The following NRXN1 variants were observed in gnomAD, a reference collection of about 807,000 sequenced individuals.
The protein encoded by NRXN1 is neurexin 1.
A neutral mutation model predicts 150.9 loss-of-function variants in NRXN1; 39 were observed. The ratio of observed to expected loss-of-function variants is 0.26; its 90% CI spans 0.20 to 0.34. The LOEUF (loss-of-function observed/expected upper bound fraction) is 0.34, where lower values mean the gene tolerates loss of function less well. Among genes scored for constraint, NRXN1 ranks in the 10% least tolerant of loss-of-function variants. The probability of loss-of-function intolerance (pLI) is 1.00; values close to 1 mark genes in which losing one functional copy is unlikely to be tolerated. For synonymous variants in NRXN1, 924 were observed against 757.0 expected, an observed-to-expected ratio of 1.22 and a Z score of -3.62; for missense variants, 1,815 against 1,949.9, an observed-to-expected ratio of 0.93 and a Z score of 1.30.
chr2:49,975,840 C>T (rs191317925), intron 21 of NRXN1, among the ~76,000 whole-genome samples: 1 of 152,210 alleles, frequency 6.6e-6, no homozygotes, highest in Non-Finnish European at 1.5e-5. Context: ...TACAGCCTTA[C>T]AGGTGAAATA....
At chr2:50,325,134 AG>A in intron 17 of NRXN1, among the ~76,000 whole-genome samples, 1 of 152,358 alleles carries the variant, frequency 6.6e-6, no homozygotes. Context: ...CATCAAGAAC[AG>A]GAAGAAGAAA....
At chr2:50,615,529 G>C (rs987259081) in intron 8 of NRXN1, 1 of 152,160 alleles carries the variant, frequency 6.6e-6, no homozygotes, top group African/African-American at 2.4e-5. Flanking sequence ...CAGGTTCTGA[G>C]GGGGAGATTA....
chr2:50,672,724 T>C (rs1689034882), intron 5 of NRXN1, among the ~76,000 whole-genome samples: 1 of 152,058 alleles, frequency 6.6e-6, no homozygotes, highest in African/African-American at 2.4e-5. Flanking sequence ...TAAAATATTA[T>C]ACACATTTTA....
intron 18 of NRXN1, among the ~76,000 whole-genome samples, chr2:50,145,709 C>T (rs1436808037): frequency 6.6e-6 from 1 of 151,586 alleles, no homozygotes; most frequent in Non-Finnish European, 1.5e-5. Context: ...CTACCTTTTC[C>T]TTTAATACAT....
rs572758147 is a variant in NRXN1 at position 50,829,999 on chromosome 2, G to GA, written c.832+91869dup. Among the ~76,000 whole-genome samples the GA allele has an allele frequency of 5.6e-3, 326 of 58,162 alleles. 27 individuals are homozygous for GA. Among genetic ancestry groups the GA allele is most frequent in the African/African-American group, 9.6e-3 (91 of 9,518 alleles). 38.2% of individuals were successfully genotyped at this position (58,162 alleles called of 152,430 possible). A position where few individuals can be genotyped will look rare whatever the true frequency, so the allele number is the denominator to read the frequency against. ...GGAACCCAAAGAATACTGCCTGCTG[G>GA]AAAAAAAAAAAAAAAAAAAAAAAAA... On this transcript the variant is annotated intron_variant, in intron 5 of 22. Transcript: ENST00000401669.
At chr2:50,422,566 A>G (rs961315268) in intron 17 of NRXN1, among the ~76,000 whole-genome samples, 5 of 152,150 alleles carry the variant, frequency 3.3e-5, no homozygotes, top group African/African-American at 1.2e-4. Flanking sequence ...GACTGACAGT[A>G]TTTTATTTCT....
intron 2 of NRXN1, among the ~76,000 whole-genome samples, chr2:50,935,300 G>A (rs1268385213): frequency 6.6e-6 from 1 of 152,074 alleles, no homozygotes; most frequent in Non-Finnish European, 1.5e-5. Context: ...ATACAGCAGA[G>A]ATAAGGCAAT....
intron 5 of NRXN1, among the ~76,000 whole-genome samples, chr2:50,812,399 C>T (rs993561160): frequency 2.0e-5 from 3 of 152,120 alleles, no homozygotes; most frequent in Admixed American, 2.0e-4. Context: ...GCCATAGCAT[C>T]AGAGTGACAC....
At chr2:50,949,105 A>T (rs1360815197) in intron 2 of NRXN1, among the ~76,000 whole-genome samples, 1 of 152,050 alleles carries the variant, frequency 6.6e-6, no homozygotes, top group Non-Finnish European at 1.5e-5. Context: ...CTGTCCTATT[A>T]AAAGTTGAGT....
At chr2:50,720,569 A>C (rs1696512894) in intron 5 of NRXN1, among the ~76,000 whole-genome samples, 1 of 152,168 alleles carries the variant, frequency 6.6e-6, no homozygotes, top group African/African-American at 2.4e-5. Flanking sequence ...CAAAGGGCTG[A>C]ATTTTTCTTT....
chr2:50,599,386 A>C (rs1307908157), intron 8 of NRXN1, among the ~76,000 whole-genome samples: 1 of 152,212 alleles, frequency 6.6e-6, no homozygotes, highest in Non-Finnish European at 1.5e-5. Context: ...TGAAGTAATA[A>C]AGAAATATGT....
At chr2:50,503,993 G>A (rs142002136) in intron 13 of NRXN1, among the ~76,000 whole-genome samples, 28 of 151,986 alleles carry the variant, frequency 1.8e-4, no homozygotes, top group Middle Eastern at 3.4e-3. Flanking sequence ...TCAGTCATGA[G>A]GAAATATCAG....
At chr2:50,053,250 G>A (rs1192667698) in intron 21 of NRXN1, 21 bp downstream of exon 21, 1 of 1,611,732 alleles carries the variant, frequency 6.2e-7, no homozygotes, top group African/African-American at 1.3e-5. Flanking sequence ...GAAAATGAAG[G>A]AATAAAATCC....
intron 21 of NRXN1, among the ~76,000 whole-genome samples, chr2:49,951,479 A>G (rs769257791): frequency 2.6e-5 from 4 of 151,864 alleles, no homozygotes; most frequent in African/African-American, 9.7e-5. Context: ...GGAACAACCT[A>G]TTTTTCTGAA....
intron 18 of NRXN1, among the ~76,000 whole-genome samples, chr2:50,166,478 C>G (rs377685845): frequency 6.6e-6 from 1 of 152,074 alleles, no homozygotes; most frequent in Non-Finnish European, 1.5e-5. Flanking sequence ...ATCTTCAAAT[C>G]CTCAAGATAA....
At chr2:50,294,049 T>C (rs1393404516) in intron 17 of NRXN1, among the ~76,000 whole-genome samples, 3 of 152,230 alleles carry the variant, frequency 2.0e-5, no homozygotes, top group African/African-American at 7.2e-5. Flanking sequence ...AACATCAGTG[T>C]CTGTGCACTA....
chr2:50,739,151 T>C, intron 5 of NRXN1: 1 of 330,084 alleles, frequency 3.0e-6, no homozygotes, highest in South Asian at 2.5e-5. Context: ...GTCACAAATC[T>C]GTAGATGTCA....
intron 17 of NRXN1, among the ~76,000 whole-genome samples, chr2:50,427,259 A>T (rs1290335239): frequency 6.6e-6 from 1 of 152,138 alleles, no homozygotes; most frequent in Admixed American, 6.5e-5. Context: ...AAGTTGTGCA[A>T]GAATAAGTTA....
At chr2:50,173,739 T>A (rs547111445) in intron 18 of NRXN1, among the ~76,000 whole-genome samples, 34 of 152,308 alleles carry the variant, frequency 2.2e-4, no homozygotes, top group Middle Eastern at 3.4e-3. Flanking sequence ...AATTTTCATA[T>A]ACATATCCTT....
Sources: allele counts gnomAD v4.1 joint callset (sites outside exome capture counted in the v4.1 genomes callset), GRCh38; gene constraint gnomAD v4.1.1; transcripts MANE v1.5; gene names NCBI Gene and HGNC (gene_info 2026-07-23, HGNC 2026-07-21).